Variants in NHS observed in about 807,000 individuals in gnomAD.
NHS encodes the protein NHS actin remodeling regulator.
Under a neutral mutation model 72.5 loss-of-function variants are expected in NHS, and 5 were observed. The observed-to-expected ratio is 0.07, with a 90% confidence interval of 0.04 to 0.14. The LOEUF (loss-of-function observed/expected upper bound fraction) is 0.14. NHS is among the 10% of genes least tolerant of loss of function. NHS has a pLI of 1.00. For synonymous variants in NHS, 464 were observed against 547.7 expected (o/e 0.85, Z 2.13); for missense variants, 1,072 against 1,355.7 (o/e 0.79, Z 3.29).
chrX:17,417,043 C>T (rs1040871160), intron 1 of NHS, among the ~76,000 whole-genome samples: 2 of 110,385 alleles, frequency 1.8e-5, no homozygotes, highest in Non-Finnish European at 3.8e-5. Context: ...TATGTGATGA[C>T]ACAATGCTTC....
intron 1 of NHS, among the ~76,000 whole-genome samples, chrX:17,521,044 A>G (rs1337975755): frequency 8.9e-6 from 1 of 111,745 alleles, no homozygotes; most frequent in Non-Finnish European, 1.9e-5. Context: ...TGAGAATTTT[A>G]AAGAGTTATA....
chrX:17,644,209 G>T (rs2147078728), intron 1 of NHS, among the ~76,000 whole-genome samples: 1 of 112,004 alleles, frequency 8.9e-6, no homozygotes, highest in South Asian at 3.8e-4. Flanking sequence ...GCCACCTGTT[G>T]ACTGGAACAG....
In NHS at chrX:17,726,617, A is replaced by G; in HGVS notation, c.2511A>G (p.Arg837=). The G allele has an allele frequency of 8.3e-7, 1 of 1,211,973 alleles. No individual in the cohort carries two copies. The highest frequency in any genetic ancestry group is 1.1e-6 in the Non-Finnish European group (1 of 895,592). The change falls in exon 7 of 9, where the codon AGA becomes AGG. Residue 837 remains arginine, a synonymous_variant. Coordinates refer to ENST00000676302, the MANE Select transcript of NHS (RefSeq NM_001291867.2). ...ACTTAGACCACAAGAGGCAGGGAAG[A>G]CCAAGCATCTCTTTCAGGAAACCAA... ...QDYLDHKRQG[R]PSISFRKPKA...
chrX:17,693,044 G>C (rs1203023949), intron 3 of NHS, among the ~76,000 whole-genome samples: 1 of 112,067 alleles, frequency 8.9e-6, no homozygotes, highest in African/African-American at 3.2e-5. Flanking sequence ...CATTTGAAGA[G>C]TAATCATGTC....
intron 1 of NHS, among the ~76,000 whole-genome samples, chrX:17,416,861 GT>G (rs2064598964): frequency 9.1e-6 from 1 of 109,524 alleles, no homozygotes; most frequent in Admixed American, 9.8e-5. Flanking sequence ...GGGAGTGCGT[GT>G]TTTGAGTTGG....
At chrX:17,667,022 A>C (rs2066016694) in intron 1 of NHS, among the ~76,000 whole-genome samples, 1 of 112,173 alleles carries the variant, frequency 8.9e-6, no homozygotes, top group African/African-American at 3.2e-5. Context: ...GAAAGGAGCA[A>C]AAGGGAGCTC....
intron 2 of NHS, among the ~76,000 whole-genome samples, chrX:17,690,070 G>A (rs1259327790): frequency 2.7e-5 from 3 of 111,516 alleles, no homozygotes; most frequent in Non-Finnish European, 3.8e-5. Flanking sequence ...GTGGAGATGC[G>A]TTTTACCCTC....
intron 1 of NHS, chrX:17,635,391 CAGAGGT>C (rs2065840610): frequency 8.6e-7 from 1 of 1,156,355 alleles, no homozygotes; most frequent in Non-Finnish European, 1.2e-6. Flanking sequence ...AGATGCAGCA[CAGAGGT>C]TCTGTGAAAA....
intron 1 of NHS, among the ~76,000 whole-genome samples, chrX:17,548,361 C>G (rs756894244): frequency 9.0e-6 from 1 of 110,813 alleles, no homozygotes; most frequent in South Asian, 3.9e-4. Context: ...TGCTATCTAA[C>G]AGACTGCTTG....
intron 1 of NHS, among the ~76,000 whole-genome samples, chrX:17,532,151 A>G (rs1180323134): frequency 8.9e-6 from 1 of 111,758 alleles, no homozygotes; most frequent in East Asian, 2.8e-4. Context: ...ACACTGGAAA[A>G]TGAAAACTTT....
At chrX:17,431,888 T>C (rs149323076) in intron 1 of NHS, among the ~76,000 whole-genome samples, 1,382 of 112,039 alleles carry the variant, frequency 0.012, 26 homozygotes, top group African/African-American at 0.042. Flanking sequence ...TTTCTCCCAT[T>C]TTGTTGAACT....
intron 1 of NHS, among the ~76,000 whole-genome samples, chrX:17,605,127 T>C (rs2065672859): frequency 8.9e-6 from 1 of 112,273 alleles, no homozygotes; most frequent in Non-Finnish European, 1.9e-5. Flanking sequence ...CAAATCAGTG[T>C]GTCAGTTGTA....
chrX:17,649,474 G>A (rs1399949262), intron 1 of NHS, among the ~76,000 whole-genome samples: 1 of 110,742 alleles, frequency 9.0e-6, no homozygotes, highest in Non-Finnish European at 1.9e-5. Flanking sequence ...GGCCAGGTTG[G>A]GCAAAACCTT....
intron 1 of NHS, among the ~76,000 whole-genome samples, chrX:17,565,678 G>A (rs886255486): frequency 1.8e-5 from 2 of 111,549 alleles, no homozygotes; most frequent in African/African-American, 3.3e-5. Context: ...TGGAGGCTAC[G>A]AGAGAGGGCC....
chrX:17,532,979 G>C (rs756152286), intron 1 of NHS, among the ~76,000 whole-genome samples: 1 of 112,274 alleles, frequency 8.9e-6, no homozygotes, highest in South Asian at 3.7e-4. Flanking sequence ...CTGTAGTATA[G>C]AGATGCTGAA....
intron 3 of NHS, among the ~76,000 whole-genome samples, chrX:17,711,573 G>A (rs1383180005): frequency 8.9e-6 from 1 of 111,759 alleles, no homozygotes; most frequent in Non-Finnish European, 1.9e-5. Flanking sequence ...GAGATCAAAA[G>A]GAGAGAGAGA....
At chrX:17,624,534 G>A (rs1388277992) in intron 1 of NHS, among the ~76,000 whole-genome samples, 1 of 112,875 alleles carries the variant, frequency 8.9e-6, no homozygotes, top group Non-Finnish European at 1.9e-5. Context: ...TCTAACTTTA[G>A]AAAAATGGAA....
At chrX:17,463,515 A>G (rs112755105) in intron 1 of NHS, among the ~76,000 whole-genome samples, 6,743 of 111,280 alleles carry the variant, frequency 0.061, 554 homozygotes, top group African/African-American at 0.21. Context: ...GGTAAAGCAT[A>G]TCATACCCTG....
intron 1 of NHS, among the ~76,000 whole-genome samples, chrX:17,399,145 A>G (rs2064490436): frequency 9.2e-6 from 1 of 108,434 alleles, no homozygotes; most frequent in African/African-American, 3.4e-5. Flanking sequence ...TCTGTTGCCC[A>G]GGCCGGAGTG....
Sources: gnomAD v4.1 joint callset for allele counts (sites outside exome capture counted in the v4.1 genomes callset) on GRCh38, gnomAD v4.1.1 for gene constraint, MANE v1.5 for transcripts, NCBI Gene and HGNC (gene_info 2026-07-23, HGNC 2026-07-21) for gene names.